The following TACC1 variants were observed in gnomAD, a reference collection of about 807,000 sequenced individuals.
The protein encoded by TACC1 is transforming acidic coiled-coil containing protein 1, also known as transforming acidic coiled-coil-containing protein 1.
TACC1 carries 48 observed loss-of-function variants against 84.4 expected under a neutral mutation model. The ratio of observed to expected loss-of-function variants is 0.57; its 90% CI spans 0.45 to 0.72. The LOEUF (loss-of-function observed/expected upper bound fraction) is 0.72, where lower values mean the gene tolerates loss of function less well. TACC1 is among the 30% of genes least tolerant of loss of function. TACC1 has a pLI of 0.00. For missense variants in TACC1, 920 were observed against 973.0 expected (o/e 0.95, Z 0.72); for synonymous variants, 372 against 376.3 (o/e 0.99, Z 0.13).
intron 3 of TACC1, among the ~76,000 whole-genome samples, chr8:38,779,884 C>T (rs573019606): frequency 6.6e-5 from 10 of 152,290 alleles, no homozygotes; most frequent in East Asian, 1.9e-4. Flanking sequence ...TTAAATGAGA[C>T]GATTCATGTA....
chr8:38,794,546 GTGTGTGTGTGTTTGTT>G (rs1819522876), intron 2 of TACC1, among the ~76,000 whole-genome samples: 1 of 135,358 alleles, frequency 7.4e-6, no homozygotes, highest in South Asian at 2.2e-4. Flanking sequence ...TAGACTGCAC[GTGTGTGTGTGTTTGTT>G]TGTGTGTGTG....
chr8:38,844,664 G>C (rs1170116157), intron 11 of TACC1, among the ~76,000 whole-genome samples: 1 of 152,050 alleles, frequency 6.6e-6, no homozygotes, highest in Non-Finnish European at 1.5e-5. Flanking sequence ...TAAGAATTTT[G>C]AATAATTTTT....
chr8:38,790,240 C>G (rs922885460), intron 2 of TACC1, among the ~76,000 whole-genome samples: 2 of 152,222 alleles, frequency 1.3e-5, no homozygotes, highest in Non-Finnish European at 2.9e-5. Context: ...TTACCGTGCC[C>G]TTCCTGTGAG....
intron 3 of TACC1, among the ~76,000 whole-genome samples, chr8:38,760,318 G>A (rs1810971071): frequency 6.6e-6 from 1 of 152,200 alleles, no homozygotes; most frequent in African/African-American, 2.4e-5. Context: ...CAATGAGCCA[G>A]CTTTGGTAAA....
intron 3 of TACC1, among the ~76,000 whole-genome samples, chr8:38,766,455 T>C (rs1812273007): frequency 6.6e-6 from 1 of 152,224 alleles, no homozygotes; most frequent in African/African-American, 2.4e-5. Context: ...CCATCCTGTT[T>C]ATCTGTCTTA....
At chr8:38,770,266 GC>G (rs2151882471) in intron 3 of TACC1, among the ~76,000 whole-genome samples, 1 of 152,190 alleles carries the variant, frequency 6.6e-6, no homozygotes, top group Admixed American at 6.5e-5. Flanking sequence ...CCTTTACGAA[GC>G]AGAGAGGGGT....
At chr8:38,773,956 T>C (rs145832024) in intron 3 of TACC1, among the ~76,000 whole-genome samples, 172 of 152,298 alleles carry the variant, frequency 1.1e-3, no homozygotes, top group African/African-American at 3.9e-3. Context: ...AGTCAAAAAT[T>C]CACTTTTTCA....
chr8:38,780,470 T>C (rs1258336461), intron 3 of TACC1, among the ~76,000 whole-genome samples: 1 of 152,090 alleles, frequency 6.6e-6, no homozygotes, highest in Admixed American at 6.6e-5. Flanking sequence ...TCAAGCCATC[T>C]TTTTTGGTAT....
At chr8:38,825,279 T>G (rs367634608) in intron 3 of TACC1, 29 bp from the exon 4 acceptor site, 2 of 1,613,662 alleles carry the variant, frequency 1.2e-6, no homozygotes, top group African/African-American at 2.7e-5. Flanking sequence ...GATTGCAAAC[T>G]GGCTTGTTTG....
At chr8:38,731,545 G>C (rs1035377977) in intron 1 of TACC1, among the ~76,000 whole-genome samples, 3 of 152,206 alleles carry the variant, frequency 2.0e-5, no homozygotes, top group African/African-American at 7.2e-5. Context: ...AGGAAAAGTA[G>C]TTTGGGAGCA....
intron 3 of TACC1, among the ~76,000 whole-genome samples, chr8:38,772,557 G>A (rs1813854047): frequency 1.3e-5 from 2 of 152,166 alleles, no homozygotes; most frequent in Admixed American, 6.5e-5. Context: ...GCACATGTGG[G>A]TTCTGCAGAG....
intron 3 of TACC1, among the ~76,000 whole-genome samples, chr8:38,761,137 A>G (rs1811130909): frequency 6.6e-6 from 1 of 152,216 alleles, no homozygotes; most frequent in Admixed American, 6.5e-5. Flanking sequence ...ATTTGGGAAT[A>G]TGATAGTTTG....
chr8:38,828,507 A>T (rs1032700799), intron 5 of TACC1, among the ~76,000 whole-genome samples: 7 of 152,240 alleles, frequency 4.6e-5, no homozygotes, highest in African/African-American at 1.4e-4. Flanking sequence ...GTATAATTGG[A>T]GGACAGAAGG....
At chr8:38,807,130 C>A (rs182050810) in intron 2 of TACC1, among the ~76,000 whole-genome samples, 7 of 152,260 alleles carry the variant, frequency 4.6e-5, no homozygotes, top group Admixed American at 4.6e-4. Context: ...ATTCTCCATG[C>A]ACATCTAAGC....
At chr8:38,770,602 A>T (rs1813407188) in intron 3 of TACC1, among the ~76,000 whole-genome samples, 1 of 152,212 alleles carries the variant, frequency 6.6e-6, no homozygotes, top group African/African-American at 2.4e-5. Context: ...AGAGAGGAGC[A>T]GTGCCCTTGG....
At chr8:38,817,919 TAAAAAAAA>T (rs60301511) in intron 2 of TACC1, among the ~76,000 whole-genome samples, 5 of 47,798 alleles carry the variant, frequency 1.0e-4, no homozygotes, top group African/African-American at 4.3e-4. Flanking sequence ...GAGAGACCCC[TAAAAAAAA>T]AAAAAAAAAA....
chr8:38,840,182 G>C, intron 8 of TACC1, 42 bp from the exon 9 acceptor site: 1 of 1,504,884 alleles, frequency 6.6e-7, no homozygotes, highest in South Asian at 1.1e-5. Context: ...TTCATTGTCT[G>C]AAAATCCTCC....
chr8:38,806,962 C>T (rs1294277594), intron 2 of TACC1, among the ~76,000 whole-genome samples: 14 of 152,076 alleles, frequency 9.2e-5, no homozygotes, highest in Non-Finnish European at 1.6e-4. Context: ...GTTTTCATAC[C>T]CTCGCCCAGG....
intron 3 of TACC1, among the ~76,000 whole-genome samples, chr8:38,750,493 G>A (rs903665870): frequency 6.6e-6 from 1 of 152,080 alleles, no homozygotes; most frequent in Admixed American, 6.6e-5. Context: ...GGAAAAATAA[G>A]GCATACATGC....
Sources: gnomAD v4.1 joint callset for allele counts (sites outside exome capture counted in the v4.1 genomes callset) on GRCh38, gnomAD v4.1.1 for gene constraint, MANE v1.5 for transcripts, NCBI Gene and HGNC (gene_info 2026-07-23, HGNC 2026-07-21) for gene names.